Variants in ST7 observed in about 807,000 individuals in gnomAD.
ST7 encodes the protein suppressor of tumorigenicity 7 protein.
ST7 carries 28 observed loss-of-function variants against 78.7 expected under a neutral mutation model. The ratio of observed to expected loss-of-function variants is 0.36; its 90% confidence interval spans 0.26 to 0.49. The LOEUF (loss-of-function observed/expected upper bound fraction) is 0.49. Ranked by LOEUF, ST7 falls within the 20% of genes least tolerant of loss-of-function variation. The pLI is 0.99. For missense variants in ST7, 418 were observed against 696.0 expected (o/e 0.60, Z 4.49); for synonymous variants, 247 against 249.6 (o/e 0.99, Z 0.10).
chr7:117,065,336 GTAGC>G (rs1194028222), intron 1 of ST7, among the ~76,000 whole-genome samples: 1 of 151,618 alleles, frequency 6.6e-6, no homozygotes, highest in Non-Finnish European at 1.5e-5. Flanking sequence ...AGCCTCCCGG[GTAGC>G]TGGGATTACA....
chr7:117,095,961 C>G (rs113072097), intron 1 of ST7, among the ~76,000 whole-genome samples: 3 of 148,916 alleles, frequency 2.0e-5, no homozygotes, highest in Non-Finnish European at 4.5e-5. Flanking sequence ...TCAGCTACTC[C>G]GGAGGCTGAT....
chr7:117,192,398 G>A (rs1809869805), intron 12 of ST7, among the ~76,000 whole-genome samples: 1 of 152,134 alleles, frequency 6.6e-6, no homozygotes, highest in Non-Finnish European at 1.5e-5. Flanking sequence ...ATTGGACATT[G>A]GGCTTAGCAT....
chr7:116,998,513 C>T (rs1047196343), intron 1 of ST7, among the ~76,000 whole-genome samples: 7 of 152,332 alleles, frequency 4.6e-5, no homozygotes, highest in East Asian at 1.9e-4. Context: ...GAGGAGGTGC[C>T]GAGAGTGAGC....
At chr7:117,199,908 G>A (rs551550457) in intron 12 of ST7, among the ~76,000 whole-genome samples, 2 of 152,292 alleles carry the variant, frequency 1.3e-5, no homozygotes, top group Admixed American at 6.5e-5. Context: ...TTCTCCAAGT[G>A]TGCAGTGGTA....
chr7:117,194,522 G>A (rs1810102693), intron 12 of ST7, among the ~76,000 whole-genome samples: 1 of 152,128 alleles, frequency 6.6e-6, no homozygotes. Flanking sequence ...CTTTTCTTGA[G>A]GAAAATTGGG....
chr7:116,997,348 C>T (rs1173665692), intron 1 of ST7, among the ~76,000 whole-genome samples: 1 of 152,104 alleles, frequency 6.6e-6, no homozygotes, highest in Non-Finnish European at 1.5e-5. Flanking sequence ...GCTGATTGGC[C>T]CATTTTACAG....
At chr7:117,005,826 T>C (rs12669881) in intron 1 of ST7, among the ~76,000 whole-genome samples, 78,194 of 152,068 alleles carry the variant, frequency 0.51, 21,108 homozygotes, top group Non-Finnish European at 0.6. Context: ...TTATTTTTTA[T>C]CTTTAATTAG....
At chr7:116,967,446 C>A (rs182257897) in intron 1 of ST7, 11 of 470,760 alleles carry the variant, frequency 2.3e-5, no homozygotes, top group African/African-American at 4.0e-5. Context: ...GGTCAGGCAG[C>A]TTGTGCAGGT....
chr7:117,129,213 G>A (rs1187932600), intron 3 of ST7, among the ~76,000 whole-genome samples: 2 of 151,784 alleles, frequency 1.3e-5, no homozygotes, highest in African/African-American at 4.8e-5. Flanking sequence ...ATATTAAAAT[G>A]CTTTGAGACA....
rs757562983 is a variant in ST7 at position 117,190,861 on chromosome 7, G to C, written c.1179G>C (p.Arg393=). 6.8e-6 allele frequency: 11 copies of C among 1,613,918 alleles called. No homozygotes were observed. The highest frequency in any genetic ancestry group is 9.3e-6 in the Non-Finnish European group (11 of 1,179,996). ...TCTCTCCTGAGGCTGCATCTCGGCG[G>C]GGGCTGAGCACAGCAGAGATGAATG... ...DKFSPEAASR[R]GLSTAEMNAV... Residue 393 remains arginine, a synonymous_variant, in exon 12 of 16, where the codon CGG becomes CGC. Transcript: ENST00000323984. The surrounding 1 kb of genome is among the most constrained non-coding windows in gnomAD (Gnocchi z 5.2).
chr7:117,086,462 C>A (rs1227029395), intron 1 of ST7, among the ~76,000 whole-genome samples: 1 of 152,164 alleles, frequency 6.6e-6, no homozygotes, highest in Admixed American at 6.5e-5. Flanking sequence ...CATGAAATTT[C>A]TTTCTTTTTC....
At chr7:117,089,568 T>G (rs1331658963) in intron 1 of ST7, among the ~76,000 whole-genome samples, 2 of 151,382 alleles carry the variant, frequency 1.3e-5, no homozygotes, top group Admixed American at 1.3e-4. Flanking sequence ...TGTTTTTTGT[T>G]TTTTTGTTTT....
chr7:117,065,724 A>G (rs1351086853), intron 1 of ST7, among the ~76,000 whole-genome samples: 2 of 152,180 alleles, frequency 1.3e-5, no homozygotes, highest in South Asian at 2.1e-4. Context: ...TGACTGTACT[A>G]TGCTCCTCAC....
intron 15 of ST7, among the ~76,000 whole-genome samples, chr7:117,229,179 ATCTG>A (rs1162880727): frequency 3.3e-5 from 5 of 152,242 alleles, no homozygotes; most frequent in African/African-American, 1.2e-4. Context: ...CTTAACAAGG[ATCTG>A]TCCTCCATGG....
chr7:117,088,347 C>T (rs906373543), intron 1 of ST7, among the ~76,000 whole-genome samples: 1 of 151,974 alleles, frequency 6.6e-6, no homozygotes, highest in Non-Finnish European at 1.5e-5. Context: ...ATTTTCTGCC[C>T]CCAGTGTCTA....
At chr7:116,976,230 C>T (rs963319508) in intron 1 of ST7, among the ~76,000 whole-genome samples, 1 of 152,184 alleles carries the variant, frequency 6.6e-6, no homozygotes, top group Non-Finnish European at 1.5e-5. Context: ...GGCCACTACA[C>T]TCCAGCCTGG....
At chr7:116,982,861 A>G (rs1794019117) in intron 1 of ST7, among the ~76,000 whole-genome samples, 1 of 152,154 alleles carries the variant, frequency 6.6e-6, no homozygotes, top group Non-Finnish European at 1.5e-5. Flanking sequence ...ATATATGTAT[A>G]TATTCATATA....
chr7:117,198,205 C>G (rs1810491118), intron 12 of ST7: 2 of 374,462 alleles, frequency 5.3e-6, no homozygotes, highest in Admixed American at 3.1e-5. Context: ...CTTCACAGGA[C>G]TGATGACAGG....
chr7:117,172,513 G>T (rs948583165), intron 10 of ST7, among the ~76,000 whole-genome samples: 2 of 152,166 alleles, frequency 1.3e-5, no homozygotes, highest in Non-Finnish European at 2.9e-5. Flanking sequence ...AAGTATTTGT[G>T]GAGCACTTTT....
Sources: gnomAD v4.1 joint callset for allele counts (sites outside exome capture counted in the v4.1 genomes callset) on GRCh38, gnomAD v4.1.1 for gene constraint, Gnocchi (gnomAD v3.1) non-coding constraint, MANE v1.5 for transcripts, NCBI Gene and HGNC (gene_info 2026-07-23, HGNC 2026-07-21) for gene names.